Variants in RCC1 observed in about 807,000 individuals in gnomAD.
RCC1 encodes regulator of chromosome condensation.
RCC1 carries 11 observed loss-of-function variants against 44.4 expected under a neutral mutation model. The ratio of observed to expected loss-of-function variants is 0.25; its 90% CI spans 0.16 to 0.41. RCC1 has a LOEUF of 0.41. Ranked by LOEUF, RCC1 falls within the 10% of genes least tolerant of loss-of-function variation. RCC1 has a pLI of 1.00. For missense variants in RCC1, 386 were observed against 547.1 expected (o/e 0.71, Z 2.94); for synonymous variants, 213 against 216.5 (o/e 0.98, Z 0.14).
intron 7 of RCC1, 136 bp downstream of exon 7, chr1:28,532,486 C>T: frequency 2.2e-6 from 2 of 921,908 alleles, no homozygotes; most frequent in Non-Finnish European, 3.2e-6. Context: ...AGCTGAGGCC[C>T]AGACCCAGGA....
intron 7 of RCC1, among the ~76,000 whole-genome samples, chr1:28,533,845 C>CTTTCTTTTTTTTTT (rs1664356882): frequency 2.1e-5 from 1 of 46,870 alleles, no homozygotes; most frequent in Non-Finnish European, 3.7e-5. Flanking sequence ...CTTTTCTTTT[C>CTTTCTTTTTTTTTT]TTTTTTTTTT....
At chr1:28,533,558 G>T (rs1664317957) in intron 7 of RCC1, among the ~76,000 whole-genome samples, 1 of 150,890 alleles carries the variant, frequency 6.6e-6, no homozygotes, top group Non-Finnish European at 1.5e-5. Context: ...CACCTGAGGG[G>T]TCGGGAGTTC....
intron 5 of RCC1, among the ~76,000 whole-genome samples, chr1:28,531,254 CTTTTCT>C (rs1305189509): frequency 2.4e-5 from 3 of 124,936 alleles, no homozygotes; most frequent in Admixed American, 7.8e-5. Context: ...AATTAGCTTT[CTTTTCT>C]TTTTCTTTTT....
intron 7 of RCC1, among the ~76,000 whole-genome samples, chr1:28,534,408 C>T (rs2124665886): frequency 6.6e-6 from 1 of 152,096 alleles, no homozygotes; most frequent in Admixed American, 6.6e-5. Flanking sequence ...GTCTCGATCT[C>T]CTGACCTCGT....
rs1215603792 is a variant in RCC1 at position 28,506,061 on chromosome 1, C to G, written c.-285C>G. 6.6e-6 allele frequency: 3 copies of G among 456,068 alleles called. No homozygotes were observed. Among genetic ancestry groups the G allele is most frequent in the Non-Finnish European group, 1.3e-5 (3 of 226,804 alleles). 28.3% of individuals were successfully genotyped at this position (456,068 alleles called of 1,614,324 possible). ...TCTCTCTCCTTTTTGGAGACAGATT[C>G]GCAGTGGTCGCTTCTTCTCCTTGGT... On this transcript the variant is annotated 5_prime_UTR_variant, in exon 1 of 13. Coordinates refer to ENST00000683442, the MANE Select transcript of RCC1 (RefSeq NM_001381865.2).
At chr1:28,519,613 G>C (rs1440309140) in intron 4 of RCC1, among the ~76,000 whole-genome samples, 1 of 151,676 alleles carries the variant, frequency 6.6e-6, no homozygotes, top group Non-Finnish European at 1.5e-5. Flanking sequence ...TATTACCCAG[G>C]CTGGAGTGCA....
At chr1:28,537,699 C>T in intron 12 of RCC1, 133 bp from the exon 13 acceptor site, 1 of 858,782 alleles carries the variant, frequency 1.2e-6, no homozygotes, top group Non-Finnish European at 1.8e-6. Flanking sequence ...TCCCTGAACT[C>T]CCAGAGTCTG....
intron 7 of RCC1, among the ~76,000 whole-genome samples, chr1:28,534,811 G>T (rs1191122492): frequency 6.6e-6 from 1 of 152,226 alleles, no homozygotes; most frequent in Non-Finnish European, 1.5e-5. Context: ...TTGCCACACA[G>T]TTTCAATGAT....
chr1:28,514,059 C>T (rs1167409842), intron 3 of RCC1, among the ~76,000 whole-genome samples: 1 of 151,472 alleles, frequency 6.6e-6, no homozygotes. Context: ...GTCTCAGCTA[C>T]TTGGGAGGCT....
chr1:28,533,904 G>C (rs975926469), intron 7 of RCC1, among the ~76,000 whole-genome samples: 1 of 43,974 alleles, frequency 2.3e-5, no homozygotes, highest in Non-Finnish European at 4.7e-5. Context: ...TTGAGACAGA[G>C]TCTTGCTCTA....
intron 4 of RCC1, among the ~76,000 whole-genome samples, chr1:28,529,172 C>T (rs1254871045): frequency 4.1e-5 from 6 of 145,778 alleles, no homozygotes; most frequent in Middle Eastern, 3.8e-3. Flanking sequence ...CGTGAGCCAC[C>T]GCGCCCAGGC....
At chr1:28,529,778 A>C in intron 4 of RCC1, 80 bp from the exon 5 acceptor site, 2 of 1,073,378 alleles carry the variant, frequency 1.9e-6, no homozygotes, top group Admixed American at 3.7e-5. Context: ...ACGTATTTCT[A>C]GAGTGTTTGA....
At chr1:28,514,980 C>G (rs1413208178) in intron 3 of RCC1, among the ~76,000 whole-genome samples, 3 of 152,078 alleles carry the variant, frequency 2.0e-5, no homozygotes, top group Non-Finnish European at 4.4e-5. Flanking sequence ...ATTATTACAG[C>G]CAGAACCTCC....
At chr1:28,537,441 G>T (rs1012362600) in intron 12 of RCC1, among the ~76,000 whole-genome samples, 23 of 152,274 alleles carry the variant, frequency 1.5e-4, no homozygotes, top group African/African-American at 5.1e-4. Context: ...AGGTTATCTG[G>T]GAAGACTTCC....
At position 28,536,342 on chromosome 1, in the gene RCC1, T is replaced by C; in HGVS notation, c.898T>C (p.Ser300Pro). ...TTCCACCAAGTCCTGGGTGGGCTTC[T>C]CTGGTGGCCAGCACCATACAGTCTG... ...KNSTKSWVGF[S>P]GGQHHTVCMD... Residue 300 changes from serine to proline, a missense_variant, in exon 11 of 13, where the codon TCT (serine) becomes CCT (proline). Physicochemically the swap from Ser to Pro is moderately conservative, Grantham distance 74. Transcript: ENST00000683442. This position sits in a 1 kb window ranked among gnomAD's most constrained non-coding sequence, Gnocchi z 4.9. The C allele has an allele frequency of 6.2e-7, 1 of 1,614,170 alleles. No individual in the cohort carries two copies. The highest frequency in any genetic ancestry group is 8.5e-7 in the Non-Finnish European group (1 of 1,180,014).
intron 4 of RCC1, among the ~76,000 whole-genome samples, chr1:28,519,648 A>T (rs1045207579): frequency 6.6e-6 from 1 of 150,762 alleles, no homozygotes; most frequent in Non-Finnish European, 1.5e-5. Context: ...GCTCACTGCA[A>T]CCTCCACCTC....
At chr1:28,515,750 A>G (rs1296071311) in intron 3 of RCC1, among the ~76,000 whole-genome samples, 1 of 151,390 alleles carries the variant, frequency 6.6e-6, no homozygotes, top group East Asian at 2.0e-4. Flanking sequence ...ACAAAACTAA[A>G]AAAATAAAAA....
chr1:28,528,606 G>A (rs1249114008), intron 4 of RCC1, among the ~76,000 whole-genome samples: 2 of 152,104 alleles, frequency 1.3e-5, no homozygotes, highest in Admixed American at 1.3e-4. Flanking sequence ...CCAGCCTGGC[G>A]ACAGAGTGAG....
chr1:28,517,625 C>A lies in RCC1; in HGVS notation c.-10+758C>A, dbSNP rs1355127400. Among the ~76,000 whole-genome samples, 9 of 152,068 alleles carry A rather than the reference C, an allele frequency of 5.9e-5. No individual in the cohort carries two copies. The South Asian group carries it at 1.0e-3, about 18-fold the overall frequency. On this transcript the variant is annotated intron_variant, in intron 4 of 12. Transcript: ENST00000683442. ...ATCATGCCATTCCCGTGCCCAAATTCCCATATATCCCTACTGCCTCAGGAT... is the reference window on the plus strand; with the variant it reads ...ATCATGCCATTCCCGTGCCCAAATTACCATATATCCCTACTGCCTCAGGAT...
Sources: allele counts gnomAD v4.1 joint callset (sites outside exome capture counted in the v4.1 genomes callset), GRCh38; gene constraint gnomAD v4.1.1; non-coding constraint Gnocchi (gnomAD v3.1); transcripts MANE v1.5; gene names NCBI Gene and HGNC (gene_info 2026-07-23, HGNC 2026-07-21).